The following TBX15 variants were observed in gnomAD, a reference collection of about 807,000 sequenced individuals.
The protein encoded by TBX15 is T-box transcription factor TBX15.
A neutral mutation model predicts 53.9 loss-of-function variants in TBX15; 18 were observed. That is an observed-to-expected ratio of 0.33 (90% CI 0.23 to 0.49). The LOEUF is 0.49. Ranked by LOEUF, TBX15 falls within the 20% of genes least tolerant of loss-of-function variation. TBX15 has a pLI of 0.98. For synonymous variants in TBX15, 295 were observed against 278.0 expected, an observed-to-expected ratio of 1.06 and a Z score of -0.61; for missense variants, 692 against 749.5, an observed-to-expected ratio of 0.92 and a Z score of 0.90.
intron 6 of TBX15, among the ~76,000 whole-genome samples, chr1:118,901,150 A>G (rs1346187910): frequency 6.6e-6 from 1 of 152,160 alleles, no homozygotes; most frequent in African/African-American, 2.4e-5. Context: ...ATAACCTACC[A>G]TATGCTAGGT....
At position 118,884,621 on chromosome 1, in the gene TBX15, A is replaced by C. The variant is rs1003794722; in HGVS notation, c.*111T>G. On this transcript the variant is annotated 3_prime_UTR_variant, in exon 8 of 8. Coordinates refer to ENST00000369429, the MANE Select transcript of TBX15 (RefSeq NM_001330677.2). Reference sequence around the variant, plus strand: ...CTTCGGCCAGAAAAAAAAAAAAAAAAAAAACACGGTTCCTGTTTTTCAAAG... The same window carrying C: ...CTTCGGCCAGAAAAAAAAAAAAAAACAAAACACGGTTCCTGTTTTTCAAAG... 1.1e-4 allele frequency: 157 copies of C among 1,370,550 alleles called. No individual in the cohort carries two copies. The highest frequency in any genetic ancestry group is 1.1e-3 in the Admixed American group (48 of 42,324). The allele number at this position is 1,370,550 out of a possible 1,614,324, so 84.9% of individuals were successfully genotyped here.
chr1:118,962,246 T>C (rs1346457493), intron 1 of TBX15, among the ~76,000 whole-genome samples: 6 of 152,208 alleles, frequency 3.9e-5, no homozygotes, highest in Non-Finnish European at 7.3e-5. Context: ...TTACAATTTG[T>C]TCCAATATCA....
At chr1:118,947,832 A>G (rs1656394401) in intron 1 of TBX15, among the ~76,000 whole-genome samples, 1 of 152,176 alleles carries the variant, frequency 6.6e-6, no homozygotes, top group Non-Finnish European at 1.5e-5. Flanking sequence ...AAACTGGTCC[A>G]TGCCTCCCCC....
At chr1:118,978,923 T>C (rs879513183) in intron 1 of TBX15, among the ~76,000 whole-genome samples, 1 of 152,238 alleles carries the variant, frequency 6.6e-6, no homozygotes, top group African/African-American at 2.4e-5. Flanking sequence ...TCACAATCTC[T>C]TGTTGGCTCA....
At chr1:118,956,783 T>C (rs1306439581) in intron 1 of TBX15, among the ~76,000 whole-genome samples, 1 of 109,102 alleles carries the variant, frequency 9.2e-6, no homozygotes, top group Non-Finnish European at 1.9e-5. Flanking sequence ...AAACCCCGTT[T>C]CTACTAAAAA....
At chr1:118,918,224 A>G (rs925786854) in intron 5 of TBX15, among the ~76,000 whole-genome samples, 1 of 152,142 alleles carries the variant, frequency 6.6e-6, no homozygotes, top group African/African-American at 2.4e-5. Context: ...TTACACATGT[A>G]TTTTTGTATT....
At chr1:118,894,633 C>T (rs979340445) in intron 7 of TBX15, among the ~76,000 whole-genome samples, 1 of 151,746 alleles carries the variant, frequency 6.6e-6, no homozygotes, top group Non-Finnish European at 1.5e-5. Context: ...GAGATGTGGA[C>T]AGATTTAAGA....
chr1:118,969,926 A>G (rs1657174230), intron 1 of TBX15, among the ~76,000 whole-genome samples: 1 of 152,178 alleles, frequency 6.6e-6, no homozygotes, highest in South Asian at 2.1e-4. Flanking sequence ...TGTAATCCTC[A>G]GTGTTGGGAG....
In TBX15 at chr1:118,933,131, G is replaced by C. The variant is rs147779108; in HGVS notation, c.206-1299C>G. Among the ~76,000 whole-genome samples, 404 of 152,280 alleles carry C rather than the reference G, an allele frequency of 2.7e-3. 6 individuals are homozygous for C. Among genetic ancestry groups the C allele is most frequent in the African/African-American group, 9.3e-3 (387 of 41,556 alleles). On this transcript the variant is annotated intron_variant, in intron 1 of 7. Transcript: ENST00000369429. Reference sequence around the variant, plus strand: ...TTACCTGCAGCAGGTTTGCAGACCTGTGAAAGATACACCCCATTGTTCCTT... The same window carrying C: ...TTACCTGCAGCAGGTTTGCAGACCTCTGAAAGATACACCCCATTGTTCCTT...
At chr1:118,890,193 A>G (rs1654091317) in intron 7 of TBX15, among the ~76,000 whole-genome samples, 1 of 152,156 alleles carries the variant, frequency 6.6e-6, no homozygotes, top group Non-Finnish European at 1.5e-5. Context: ...CCATATTCCC[A>G]AAGGCTAACC....
intron 1 of TBX15, among the ~76,000 whole-genome samples, chr1:118,943,835 G>A (rs1003494122): frequency 3.3e-5 from 5 of 152,120 alleles, no homozygotes; most frequent in African/African-American, 1.2e-4. Flanking sequence ...GCACGAGCAG[G>A]AGGCCTGAAA....
intron 3 of TBX15, among the ~76,000 whole-genome samples, chr1:118,925,067 A>G (rs1655548055): frequency 6.6e-6 from 1 of 152,146 alleles, no homozygotes; most frequent in South Asian, 2.1e-4. Context: ...TTAATGATCA[A>G]ATCTTCAGCC....
chr1:118,920,594 TC>T (rs983839765), intron 5 of TBX15, among the ~76,000 whole-genome samples: 1 of 152,060 alleles, frequency 6.6e-6, no homozygotes, highest in Non-Finnish European at 1.5e-5. Flanking sequence ...AGCACTTGAC[TC>T]CCTAGGCACT....
intron 1 of TBX15, among the ~76,000 whole-genome samples, chr1:118,977,844 G>A (rs1657486138): frequency 6.6e-6 from 1 of 152,174 alleles, no homozygotes; most frequent in South Asian, 2.1e-4. Context: ...GCCAGATCAA[G>A]ATCTCGGCTT....
chr1:118,895,735 A>G lies in TBX15; in HGVS notation c.1024+3293T>C, dbSNP rs533260887. ...TGAGTCTAACTGAAGACATCTGAAG[A>G]CCATATACTTGACTTATAAAAAAAA... is the stretch of plus-strand genomic sequence containing the variant. On this transcript the variant is annotated intron_variant, in intron 7 of 7. Coordinates refer to ENST00000369429, the MANE Select transcript of TBX15 (RefSeq NM_001330677.2). Among the ~76,000 whole-genome samples, 25 of 151,812 alleles carry G rather than the reference A, an allele frequency of 1.6e-4. No individual in the cohort carries two copies. In the East Asian group the frequency reaches 4.8e-3, roughly 29 times the overall value.
chr1:118,923,037 G>T (rs1247789602), intron 5 of TBX15, among the ~76,000 whole-genome samples: 3 of 151,378 alleles, frequency 2.0e-5, no homozygotes, highest in Non-Finnish European at 2.9e-5. Flanking sequence ...TAATCCCAAA[G>T]TTCTGGTTGC....
At position 118,884,605 on chromosome 1, in the gene TBX15, G is replaced by GAAAAAA. The variant is rs536044359; in HGVS notation, c.*121_*126dup. ...GTTCTTGGGTATATGTCTTCGGCCA[G>GAAAAAA]AAAAAAAAAAAAAAAAAAAACACGG... On this transcript the variant is annotated 3_prime_UTR_variant, in exon 8 of 8. Transcript: ENST00000369429. The GAAAAAA allele has an allele frequency of 3.8e-5, 29 of 769,912 alleles. No individual in the cohort carries two copies. Among genetic ancestry groups the GAAAAAA allele is most frequent in the Non-Finnish European group, 5.1e-5 (27 of 532,412 alleles). 47.7% of individuals were successfully genotyped at this position (769,912 alleles called of 1,614,324 possible). A position where few individuals can be genotyped will look rare whatever the true frequency, so the allele number is the denominator to read the frequency against.
Position 118,890,947 on chromosome 1 carries a change from T to C in TBX15, c.1025-5431A>G, listed in dbSNP as rs1423793770. 13 of 1,304,028 alleles carry C rather than the reference T, an allele frequency of 1.0e-5. No individual in the cohort carries two copies. The South Asian group carries it at 1.6e-4, about 16-fold the overall frequency. 80.8% of individuals were successfully genotyped at this position (1,304,028 alleles called of 1,614,324 possible). On this transcript the variant is annotated intron_variant, in intron 7 of 7. Coordinates refer to ENST00000369429, the MANE Select transcript of TBX15 (RefSeq NM_001330677.2). ...GGAGTGCTGATTCACTGTGTATCCTTGAGAAGTCTTCTTTGAGGCTTTCAA... is the reference window on the plus strand; with the variant it reads ...GGAGTGCTGATTCACTGTGTATCCTCGAGAAGTCTTCTTTGAGGCTTTCAA...
At chr1:118,955,563 A>C (rs17258166) in intron 1 of TBX15, among the ~76,000 whole-genome samples, 6,094 of 152,296 alleles carry the variant, frequency 0.04, 172 homozygotes, top group Admixed American at 0.064. Flanking sequence ...AGCCAGAAGA[A>C]AACCTTGGTC....
Sources: gnomAD v4.1 joint callset for allele counts (sites outside exome capture counted in the v4.1 genomes callset) on GRCh38, gnomAD v4.1.1 for gene constraint, MANE v1.5 for transcripts, NCBI Gene and HGNC (gene_info 2026-07-23, HGNC 2026-07-21) for gene names.